C8A: variants seen among roughly 807,000 people sequenced by gnomAD.
C8A encodes complement component C8 alpha chain.
C8A carries 67 observed loss-of-function variants against 65.3 expected under a neutral mutation model. The ratio of observed to expected loss-of-function variants is 1.03; its 90% CI spans 0.84 to 1.26. The LOEUF is 1.26. C8A is among the 50% of genes most tolerant of loss of function. The pLI is 0.00. For synonymous variants in C8A, 290 were observed against 259.4 expected (o/e 1.12, Z -1.13); for missense variants, 781 against 723.9 (o/e 1.08, Z -0.90).
intron 1 of C8A, among the ~76,000 whole-genome samples, chr1:56,866,632 C>T (rs1570315961): frequency 6.6e-6 from 1 of 152,336 alleles, no homozygotes; most frequent in East Asian, 1.9e-4. Context: ...GCAGTGGCTG[C>T]CTGGCTCTCA....
chr1:56,869,272 T>C (rs1644120343), intron 2 of C8A, among the ~76,000 whole-genome samples: 1 of 152,182 alleles, frequency 6.6e-6, no homozygotes, highest in South Asian at 2.1e-4. Flanking sequence ...ATGTGATACT[T>C]GGTTTTTAAT....
At chr1:56,886,196 A>C (rs375652434) in intron 7 of C8A, 29 bp downstream of exon 7, 1 of 1,612,992 alleles carries the variant, frequency 6.2e-7, no homozygotes, top group Non-Finnish European at 8.5e-7. Context: ...CTATGTACAC[A>C]GTAGTCAACA....
intron 9 of C8A, among the ~76,000 whole-genome samples, chr1:56,910,659 G>T (rs934424842): frequency 2.0e-5 from 3 of 152,214 alleles, no homozygotes; most frequent in African/African-American, 7.2e-5. Flanking sequence ...TCCAGTAAGT[G>T]GTTTTCTCCC....
intron 7 of C8A, among the ~76,000 whole-genome samples, chr1:56,899,083 T>A (rs994927784): frequency 6.6e-6 from 1 of 152,118 alleles, no homozygotes; most frequent in African/African-American, 2.4e-5. Flanking sequence ...TGACAACCAG[T>A]CTTCACGGTG....
chr1:56,896,621 G>A (rs1366842762), intron 7 of C8A, among the ~76,000 whole-genome samples: 7 of 152,178 alleles, frequency 4.6e-5, no homozygotes, highest in Non-Finnish European at 1.0e-4. Flanking sequence ...CACTTTAAAT[G>A]TTTATCTCAC....
chr1:56,909,043 C>T (rs1570352904), intron 9 of C8A, among the ~76,000 whole-genome samples: 2 of 152,194 alleles, frequency 1.3e-5, no homozygotes, highest in South Asian at 4.1e-4. Flanking sequence ...GAACAGACCC[C>T]ACAGCAAAGA....
At chr1:56,865,152 T>A (rs969568681) in intron 1 of C8A, among the ~76,000 whole-genome samples, 1 of 152,214 alleles carries the variant, frequency 6.6e-6, no homozygotes, top group African/African-American at 2.4e-5. Flanking sequence ...CATAAAGAAA[T>A]CATTGAGTAT....
chr1:56,873,693 C>T (rs141712699), intron 2 of C8A, among the ~76,000 whole-genome samples: 16 of 152,254 alleles, frequency 1.1e-4, no homozygotes, highest in Admixed American at 2.0e-4. Flanking sequence ...TACATACTAA[C>T]GTTCTTAAAG....
At chr1:56,892,417 T>C (rs1041787417) in intron 7 of C8A, among the ~76,000 whole-genome samples, 1 of 152,102 alleles carries the variant, frequency 6.6e-6, no homozygotes, top group African/African-American at 2.4e-5. Context: ...AAAAAAGTCA[T>C]ATCACTAGTA....
At chr1:56,873,269 C>G (rs1457507512) in intron 2 of C8A, among the ~76,000 whole-genome samples, 2 of 152,194 alleles carry the variant, frequency 1.3e-5, no homozygotes, top group Non-Finnish European at 2.9e-5. Flanking sequence ...ACCACCTCTG[C>G]TTATTGAACA....
Position 56,885,395 on chromosome 1 carries a change from A to AAATATATATTTATTTAAATATATATTTAC in C8A, c.856-531_856-530insATATATATTTATTTAAATATATATTTACA, listed in dbSNP as rs1644287493. On this transcript the variant is annotated intron_variant, in intron 6 of 10. Coordinates refer to ENST00000361249, the MANE Select transcript of C8A (RefSeq NM_000562.3). ...TTATATTTATTTAAATATATATTTA[A>AAATATATATTTATTTAAATATATATTTAC]ATAAATATATATTTATTTAAATATA... Among the ~76,000 whole-genome samples, 27 of 111,326 alleles carry AAATATATATTTATTTAAATATATATTTAC rather than the reference A, an allele frequency of 2.4e-4. 1 individual carries two copies. The highest frequency in any genetic ancestry group is 1.2e-3 in the African/African-American group (27 of 22,526). 73.0% of individuals were successfully genotyped at this position (111,326 alleles called of 152,430 possible). A position where few individuals can be genotyped will look rare whatever the true frequency, so the allele number is the denominator to read the frequency against.
intron 3 of C8A, 136 bp downstream of exon 3, chr1:56,875,229 T>G (rs904521406): frequency 7.3e-6 from 7 of 957,754 alleles, no homozygotes; most frequent in African/African-American, 1.6e-5. Flanking sequence ...TTGGGATGGG[T>G]CCTAGGAATC....
At chr1:56,909,991 A>G (rs977117336) in intron 9 of C8A, among the ~76,000 whole-genome samples, 1 of 152,238 alleles carries the variant, frequency 6.6e-6, no homozygotes, top group Non-Finnish European at 1.5e-5. Flanking sequence ...AGCCACGGGC[A>G]GGCTTTATAG....
At chr1:56,888,988 G>A (rs1018413590) in intron 7 of C8A, among the ~76,000 whole-genome samples, 13 of 152,074 alleles carry the variant, frequency 8.5e-5, no homozygotes, top group African/African-American at 1.2e-4. Flanking sequence ...TTGGGCTCCC[G>A]TCTTTGGGGC....
At chr1:56,861,880 C>T (rs1644036991) in intron 1 of C8A, among the ~76,000 whole-genome samples, 1 of 152,174 alleles carries the variant, frequency 6.6e-6, no homozygotes, top group Non-Finnish European at 1.5e-5. Context: ...ACTTTCTGAC[C>T]TTCTAGCCTA....
intron 7 of C8A, among the ~76,000 whole-genome samples, chr1:56,891,592 T>C (rs1557708817): frequency 6.6e-6 from 1 of 152,154 alleles, no homozygotes; most frequent in Non-Finnish European, 1.5e-5. Flanking sequence ...CATGAAAGAA[T>C]ATGATAGATT....
At position 56,876,152 on chromosome 1, in the gene C8A, T is replaced by A; in HGVS notation, c.407T>A (p.Ile136Asn). 1 of 1,613,924 alleles carries A rather than the reference T, an allele frequency of 6.2e-7. No individual in the cohort carries two copies. Among genetic ancestry groups the A allele is most frequent in the Non-Finnish European group, 8.5e-7 (1 of 1,179,892 alleles). Residue 136 changes from isoleucine to asparagine, a missense_variant, in exon 4 of 11, where the codon ATT becomes AAT. Physicochemically the swap from Ile to Asn is moderately radical, Grantham distance 149 (BLOSUM62 -3). Coordinates refer to ENST00000361249, the MANE Select transcript of C8A (RefSeq NM_000562.3). The stretch of plus-strand genomic sequence containing the variant: ...GACGACTGTGAAGATGTCAGGGCCA[T>A]TGACGAAGACTGCAGCCAGTATGAA... ...DEDDCEDVRA[I>N]DEDCSQYEPI... is the part of the protein sequence containing the mutation.
Position 56,874,965 on chromosome 1 carries a change from T to C in C8A, c.188T>C (p.Leu63Pro). The stretch of plus-strand genomic sequence containing the variant: ...CTGGTTTAGTACCGACACCGGAGCC[T>C]CTTGCAGCCAAACAAGTTTGGGGGA... ...CQDKKYRHRS[L>P]LQPNKFGGTI... Residue 63 changes from leucine to proline, a missense_variant, in exon 3 of 11, where the codon CTC (leucine) becomes CCC (proline). Coordinates refer to ENST00000361249, the MANE Select transcript of C8A (RefSeq NM_000562.3). 1 of 1,613,738 alleles carries C rather than the reference T, an allele frequency of 6.2e-7. No homozygotes were observed. Among genetic ancestry groups the C allele is most frequent in the Non-Finnish European group, 8.5e-7 (1 of 1,179,808 alleles).
intron 1 of C8A, among the ~76,000 whole-genome samples, chr1:56,859,504 T>C (rs1644010124): frequency 3.3e-5 from 5 of 152,224 alleles, no homozygotes. Flanking sequence ...GAATGAGATA[T>C]GATTAGCATT....
Sources: gnomAD v4.1 joint callset for allele counts (sites outside exome capture counted in the v4.1 genomes callset) on GRCh38, gnomAD v4.1.1 for gene constraint, MANE v1.5 for transcripts, NCBI Gene and HGNC (gene_info 2026-07-23, HGNC 2026-07-21) for gene names.